The following FNIP2 variants were observed in gnomAD, a reference collection of about 807,000 sequenced individuals.
FNIP2 encodes folliculin interacting protein 2.
Under a neutral mutation model 108.7 loss-of-function variants are expected in FNIP2, and 32 were observed. The observed-to-expected ratio is 0.29, with a 90% confidence interval of 0.22 to 0.40. The LOEUF (loss-of-function observed/expected upper bound fraction) is 0.40. Ranked by LOEUF, FNIP2 falls within the 10% of genes least tolerant of loss-of-function variation. The pLI is 1.00. For synonymous variants in FNIP2, 480 were observed against 496.7 expected (o/e 0.97, Z 0.45); for missense variants, 1,202 against 1,381.6 (o/e 0.87, Z 2.06).
intron 1 of FNIP2, among the ~76,000 whole-genome samples, chr4:158,821,001 G>C (rs1777854930): frequency 6.6e-6 from 1 of 152,162 alleles, no homozygotes; most frequent in Admixed American, 6.5e-5. Flanking sequence ...AGAGAATTCT[G>C]TTTTCTGTGT....
At chr4:158,811,546 T>A (rs1393558728) in intron 1 of FNIP2, among the ~76,000 whole-genome samples, 2 of 138,858 alleles carry the variant, frequency 1.4e-5, no homozygotes, top group Non-Finnish European at 3.3e-5. Flanking sequence ...GTTTTTTAAA[T>A]AATATTAATT....
chr4:158,862,087 T>C (rs570602451), intron 12 of FNIP2, among the ~76,000 whole-genome samples: 17 of 152,298 alleles, frequency 1.1e-4, no homozygotes, highest in African/African-American at 4.1e-4. Flanking sequence ...AATTCTTTGT[T>C]GGTTGAGTTG....
At chr4:158,889,982 G>A (rs1372943625) in intron 14 of FNIP2, 14 of 985,362 alleles carry the variant, frequency 1.4e-5, no homozygotes, top group Middle Eastern at 5.2e-4. Context: ...TGTAAGAAGC[G>A]TAGGGGTGAA....
At position 158,905,757 on chromosome 4, in the gene FNIP2, G is replaced by A. The variant is rs886309615; in HGVS notation, c.*1213G>A. ...TAAAAGAAACTTCAGTTTACTGACCGTGAAACAGACTATGTACTGACATCC... is the reference window on the plus strand; with the variant it reads ...TAAAAGAAACTTCAGTTTACTGACCATGAAACAGACTATGTACTGACATCC... On this transcript the variant is annotated 3_prime_UTR_variant, in exon 17 of 17. Coordinates refer to ENST00000264433, the MANE Select transcript of FNIP2 (RefSeq NM_020840.3). 4.0e-5 allele frequency: 6 copies of A among 150,422 alleles called. No individual in the cohort carries two copies. Among genetic ancestry groups the A allele is most frequent in the Non-Finnish European group, 7.4e-5 (5 of 67,842 alleles). 9.3% of individuals were successfully genotyped at this position (150,422 alleles called of 1,614,324 possible). A position where few individuals can be genotyped will look rare whatever the true frequency, so the allele number is the denominator to read the frequency against.
intron 1 of FNIP2, among the ~76,000 whole-genome samples, chr4:158,798,346 G>A (rs181531779): frequency 7.9e-5 from 12 of 152,252 alleles, no homozygotes; most frequent in Non-Finnish European, 1.0e-4. Flanking sequence ...TCACAGACGT[G>A]AGCTACCACA....
rs558504810 is a variant in FNIP2, at chr4:158,840,046, G to T, written c.727+4570G>T. 2.6e-5 allele frequency among the ~76,000 whole-genome samples: 4 copies of T among 152,246 alleles called. 1 individual carries two copies. In the East Asian group the frequency reaches 5.8e-4, roughly 22 times the overall value. Reference sequence around the variant, plus strand: ...GTTCCCATTAGAAATTTTCAAGTAGGGTCTTGGGAGAGAAGAGGGTTGGGT... The same window carrying T: ...GTTCCCATTAGAAATTTTCAAGTAGTGTCTTGGGAGAGAAGAGGGTTGGGT... On this transcript the variant is annotated intron_variant, in intron 7 of 16. Transcript: ENST00000264433.
chr4:158,781,736 C>T (rs987555078), intron 1 of FNIP2, among the ~76,000 whole-genome samples: 4 of 152,152 alleles, frequency 2.6e-5, no homozygotes, highest in East Asian at 1.9e-4. Flanking sequence ...AGGCTGGTCT[C>T]GAACTCCTGG....
At chr4:158,872,001 G>C (rs767100651) in intron 14 of FNIP2, 40 of 984,556 alleles carry the variant, frequency 4.1e-5, no homozygotes, top group Non-Finnish European at 4.7e-5. Flanking sequence ...CAAACTGTGA[G>C]TTGTTTTTTT....
At chr4:158,877,578 G>A (rs1469963690) in intron 14 of FNIP2, among the ~76,000 whole-genome samples, 3 of 152,218 alleles carry the variant, frequency 2.0e-5, no homozygotes, top group Non-Finnish European at 2.9e-5. Flanking sequence ...GTATTTTCAT[G>A]TGTTAAAAAT....
intron 14 of FNIP2, among the ~76,000 whole-genome samples, chr4:158,878,825 AAG>A (rs898389868): frequency 2.6e-5 from 4 of 152,198 alleles, no homozygotes; most frequent in Admixed American, 2.6e-4. Context: ...CCTTAAAAAA[AAG>A]AGAGGATAAT....
Position 158,868,341 on chromosome 4 carries a change from G to T in FNIP2, c.1705G>T (p.Val569Phe). 6.2e-7 allele frequency: 1 copy of T among 1,614,032 alleles called. No homozygotes were observed. The highest frequency in any genetic ancestry group is 8.5e-7 in the Non-Finnish European group (1 of 1,179,910). ...AGAGGTGGAGGAGTCTGAGTATGTG[G>T]TCATTACGGTGAGGAACGAGCCCGC... ...KGEVEESEYV[V>F]ITVRNEPALV... Residue 569 changes from valine (V) to phenylalanine (F), a missense_variant, in exon 13 of 17, where the codon GTC becomes TTC. Coordinates refer to ENST00000264433, the MANE Select transcript of FNIP2 (RefSeq NM_020840.3). The surrounding 1 kb of genome is among the most constrained non-coding windows in gnomAD (Gnocchi z 4.6).
intron 14 of FNIP2, chr4:158,890,281 A>G: frequency 1.0e-6 from 1 of 984,782 alleles, no homozygotes; most frequent in South Asian, 4.7e-5. Context: ...TTATATTTTT[A>G]TAAACCCTGA....
chr4:158,832,211 G>A (rs1008045877), intron 5 of FNIP2, 73 bp downstream of exon 5: 16 of 1,192,202 alleles, frequency 1.3e-5, no homozygotes, highest in Non-Finnish European at 1.7e-5. Flanking sequence ...AATTCTTTAA[G>A]GGCCATAAGG....
At chr4:158,782,569 C>T (rs937820767) in intron 1 of FNIP2, among the ~76,000 whole-genome samples, 11 of 145,330 alleles carry the variant, frequency 7.6e-5, no homozygotes, top group Admixed American at 1.4e-4. Flanking sequence ...TCTCTTGCCT[C>T]TTTTGATTCA....
intron 16 of FNIP2, among the ~76,000 whole-genome samples, chr4:158,903,585 A>AC (rs1729550832): frequency 1.3e-5 from 2 of 152,044 alleles, no homozygotes; most frequent in South Asian, 4.2e-4. Flanking sequence ...TTATTAGTGG[A>AC]CTCATGTTCA....
chr4:158,789,884 A>G (rs1029864274), intron 1 of FNIP2, among the ~76,000 whole-genome samples: 2 of 151,868 alleles, frequency 1.3e-5, no homozygotes, highest in Non-Finnish European at 2.9e-5. Context: ...GGAAAAGGGG[A>G]GGAGGGGTTT....
intron 7 of FNIP2, among the ~76,000 whole-genome samples, chr4:158,848,107 C>T (rs1458546898): frequency 6.6e-6 from 1 of 152,204 alleles, no homozygotes; most frequent in African/African-American, 2.4e-5. Context: ...GCTTCACAAC[C>T]TGCTGATTTT....
chr4:158,855,565 A>T (rs1257498559), intron 8 of FNIP2, among the ~76,000 whole-genome samples: 1 of 152,188 alleles, frequency 6.6e-6, no homozygotes, highest in African/African-American at 2.4e-5. Context: ...CCCCTGCCTC[A>T]GCCTCCTGAG....
intron 1 of FNIP2, among the ~76,000 whole-genome samples, chr4:158,811,543 A>AAAC (rs1777270190): frequency 7.6e-6 from 1 of 131,454 alleles, no homozygotes; most frequent in Non-Finnish European, 1.8e-5. Context: ...TTTGTTTTTT[A>AAAC]AATAATATTA....
Sources: gnomAD v4.1 joint callset for allele counts (sites outside exome capture counted in the v4.1 genomes callset) on GRCh38, gnomAD v4.1.1 for gene constraint, Gnocchi (gnomAD v3.1) non-coding constraint, MANE v1.5 for transcripts, NCBI Gene and HGNC (gene_info 2026-07-23, HGNC 2026-07-21) for gene names.